Variants in STK24 observed in about 807,000 individuals in gnomAD.
STK24 encodes the protein serine/threonine-protein kinase 24.
A neutral mutation model predicts 55.6 loss-of-function variants in STK24; 21 were observed. That is an observed-to-expected ratio of 0.38 (90% CI 0.27 to 0.54). STK24 has a LOEUF of 0.54. Among genes scored for constraint, STK24 ranks in the 20% least tolerant of loss-of-function variants. The pLI is 0.79. For missense variants in STK24, 383 were observed against 538.4 expected (o/e 0.71, Z 2.86); for synonymous variants, 200 against 215.2 (o/e 0.93, Z 0.62).
intron 2 of STK24, among the ~76,000 whole-genome samples, chr13:98,514,669 G>A (rs191825886): frequency 2.0e-5 from 3 of 152,300 alleles, no homozygotes; most frequent in African/African-American, 4.8e-5. Flanking sequence ...CTATGGCAAG[G>A]AAGAAATTTG....
chr13:98,455,694 A>G (rs1893424275), intron 10 of STK24: 2 of 152,234 alleles, frequency 1.3e-5, no homozygotes, highest in South Asian at 4.2e-4. Context: ...CAAGCCACAC[A>G]CTCTGTGCCC....
At chr13:98,477,984 A>G (rs2139294553) in intron 3 of STK24, among the ~76,000 whole-genome samples, 1 of 152,288 alleles carries the variant, frequency 6.6e-6, no homozygotes, top group African/African-American at 2.4e-5. Flanking sequence ...TCATTGACTT[A>G]TATGCCCATG....
chr13:98,568,922 T>C lies in STK24; in HGVS notation c.42+7823A>G, dbSNP rs143332860. 2.4e-3 allele frequency among the ~76,000 whole-genome samples: 358 copies of C among 151,804 alleles called. 3 individuals carry two copies. The highest frequency in any genetic ancestry group is 8.2e-3 in the African/African-American group (340 of 41,358). On this transcript the variant is annotated intron_variant, in intron 1 of 10. Coordinates refer to ENST00000539966, the MANE Select transcript of STK24 (RefSeq NM_001032296.4). Reference sequence around the variant, plus strand: ...GAGGGCCGATGCAGAAGGTTCACCATCCAAGTAATAAAGTTTCAGAAAGAA... The same window carrying C: ...GAGGGCCGATGCAGAAGGTTCACCACCCAAGTAATAAAGTTTCAGAAAGAA...
At chr13:98,535,994 G>C (rs752184125) in intron 1 of STK24, among the ~76,000 whole-genome samples, 1 of 152,116 alleles carries the variant, frequency 6.6e-6, no homozygotes, top group Non-Finnish European at 1.5e-5. Flanking sequence ...AAATCGTTTT[G>C]GTGTATGCAG....
chr13:98,517,502 C>T (rs370391050), intron 2 of STK24, among the ~76,000 whole-genome samples: 5 of 152,044 alleles, frequency 3.3e-5, no homozygotes, highest in Non-Finnish European at 1.5e-5. Flanking sequence ...GGTTGGTGAG[C>T]GACTGTAATC....
intron 1 of STK24, among the ~76,000 whole-genome samples, chr13:98,547,434 G>A (rs1190189964): frequency 6.6e-6 from 1 of 152,164 alleles, no homozygotes; most frequent in Non-Finnish European, 1.5e-5. Context: ...TATAGTCCCA[G>A]CTACTCGGGA....
intron 2 of STK24, among the ~76,000 whole-genome samples, chr13:98,485,945 T>C (rs1229526934): frequency 6.6e-6 from 1 of 152,018 alleles, no homozygotes; most frequent in African/African-American, 2.4e-5. Flanking sequence ...CGCCAGCCAC[T>C]AAGACAGCAG....
Position 98,492,074 on chromosome 13 carries a change from CGCGTGT to C in STK24, c.274-9759_274-9754del, listed in dbSNP as rs1335507554. ...CAATTCACCTCCTTTAAAGTGCGTG[CGCGTGT>C]GTGTGTGTGTGTGTGTGTGTGTGTG... On this transcript the variant is annotated intron_variant, in intron 2 of 10. Coordinates refer to ENST00000539966, the MANE Select transcript of STK24 (RefSeq NM_001032296.4). Among the ~76,000 whole-genome samples the C allele has an allele frequency of 3.5e-4, 22 of 62,294 alleles. No homozygotes were observed. The East Asian group carries it at 3.7e-3, about 11-fold the overall frequency. The allele number at this position is 62,294 out of a possible 152,430, so 40.9% of individuals were successfully genotyped here. A position where few individuals can be genotyped will look rare whatever the true frequency, so the allele number is the denominator to read the frequency against.
At chr13:98,573,138 C>T (rs1414332810) in intron 1 of STK24, among the ~76,000 whole-genome samples, 1 of 152,224 alleles carries the variant, frequency 6.6e-6, no homozygotes, top group East Asian at 1.9e-4. Context: ...ATGAGGGATA[C>T]TCAACCCGTA....
At position 98,508,292 on chromosome 13, in the gene STK24, T is replaced by C. The variant is rs7982587; in HGVS notation, c.273+10951A>G. Reference sequence around the variant, plus strand: ...ACTACATTAAAATCAAGGATTTTTTTCCCCAACAGAGGACGCTTCAAAGTT... The same window carrying C: ...ACTACATTAAAATCAAGGATTTTTTCCCCCAACAGAGGACGCTTCAAAGTT... On this transcript the variant is annotated intron_variant, in intron 2 of 10. Coordinates refer to ENST00000539966, the MANE Select transcript of STK24 (RefSeq NM_001032296.4). 7.1e-3 allele frequency among the ~76,000 whole-genome samples: 1,083 copies of C among 152,276 alleles called. 12 individuals are homozygous for C. Among genetic ancestry groups the C allele is most frequent in the African/African-American group, 0.024 (1,017 of 41,544 alleles).
rs778015208 is a variant in STK24 at position 98,448,277 on chromosome 13, G to C, written c.*4896C>G. ...CGCAGTGCCACCAGCTCTGCCTCGCGACCCCACGTGTTGAGTCACAAAGAG... is the reference window on the plus strand; with the variant it reads ...CGCAGTGCCACCAGCTCTGCCTCGCCACCCCACGTGTTGAGTCACAAAGAG... On this transcript the variant is annotated 3_prime_UTR_variant, in exon 11 of 11. Transcript: ENST00000539966. 6.2e-7 allele frequency: 1 copy of C among 1,614,024 alleles called. No individual in the cohort carries two copies. The highest frequency in any genetic ancestry group is 1.1e-5 in the South Asian group (1 of 91,088).
intron 1 of STK24, among the ~76,000 whole-genome samples, chr13:98,558,476 C>T (rs1897332118): frequency 6.6e-6 from 1 of 152,178 alleles, no homozygotes; most frequent in African/African-American, 2.4e-5. Flanking sequence ...TACTGCAGGG[C>T]ACAGCCAGGC....
intron 7 of STK24, among the ~76,000 whole-genome samples, chr13:98,463,256 G>C (rs1893788985): frequency 6.6e-6 from 1 of 152,074 alleles, no homozygotes; most frequent in Admixed American, 6.5e-5. Flanking sequence ...TGCCAAACTT[G>C]ACAGCAATTC....
chr13:98,551,255 T>C (rs1488410535), intron 1 of STK24, among the ~76,000 whole-genome samples: 44 of 150,160 alleles, frequency 2.9e-4, no homozygotes, highest in Non-Finnish European at 5.2e-4. Context: ...CACTGCACTC[T>C]AGCCTGGGCG....
chr13:98,478,857 G>A (rs1436825924), intron 3 of STK24, among the ~76,000 whole-genome samples: 1 of 152,086 alleles, frequency 6.6e-6, no homozygotes, highest in African/African-American at 2.4e-5. Context: ...GGCCCTCTGT[G>A]GCTCATCCTC....
At chr13:98,576,459 T>C (rs1897895290) in intron 1 of STK24, among the ~76,000 whole-genome samples, 1 of 152,086 alleles carries the variant, frequency 6.6e-6, no homozygotes, top group South Asian at 2.1e-4. Flanking sequence ...CGGAAGAGTG[T>C]TGGGGCGAGG....
Position 98,469,398 on chromosome 13 carries a change from A to G in STK24, c.598-2837T>C, listed in dbSNP as rs559026306. ...ACCCCATCTCTACTAAAAATACAAA[A>G]ATCAGCCGGGCATGGTGGGCTGCAC... On this transcript the variant is annotated intron_variant, in intron 5 of 10. Coordinates refer to ENST00000539966, the MANE Select transcript of STK24 (RefSeq NM_001032296.4). 2.2e-4 allele frequency among the ~76,000 whole-genome samples: 33 copies of G among 152,182 alleles called. 2 individuals are homozygous for G. In the South Asian group the frequency reaches 6.8e-3, roughly 32 times the overall value.
intron 2 of STK24, among the ~76,000 whole-genome samples, chr13:98,494,446 A>C (rs957233985): frequency 2.7e-5 from 4 of 148,598 alleles, no homozygotes; most frequent in Non-Finnish European, 6.0e-5. Context: ...TAACAGTATT[A>C]TAAGGAAAAA....
At chr13:98,482,193 A>G (rs1158216720) in intron 3 of STK24, 72 bp downstream of exon 3, 3 of 828,690 alleles carry the variant, frequency 3.6e-6, no homozygotes, top group Non-Finnish European at 5.6e-6. Flanking sequence ...GATACATGCA[A>G]TGGATTCTTT....
Sources: allele counts gnomAD v4.1 joint callset (sites outside exome capture counted in the v4.1 genomes callset), GRCh38; gene constraint gnomAD v4.1.1; transcripts MANE v1.5; gene names NCBI Gene and HGNC (gene_info 2026-07-23, HGNC 2026-07-21).